GRIP1: variants seen among roughly 807,000 people sequenced by gnomAD.
GRIP1 encodes glutamate receptor-interacting protein 1.
In GRIP1, 45 loss-of-function variants were observed where a neutral mutation model predicts 129.9. That is an observed-to-expected ratio of 0.35 (90% CI 0.27 to 0.44). GRIP1 has a LOEUF of 0.44. Among genes scored for constraint, GRIP1 ranks in the 20% least tolerant of loss-of-function variants. The pLI is 1.00. For synonymous variants in GRIP1, 530 were observed against 520.8 expected (o/e 1.02, Z -0.24); for missense variants, 1,196 against 1,396.8 (o/e 0.86, Z 2.29).
intron 6 of GRIP1, 40 bp from the exon 7 acceptor site, chr12:66,515,804 A>G (rs759891534): frequency 6.4e-7 from 1 of 1,571,420 alleles, no homozygotes; most frequent in South Asian, 1.1e-5. Context: ...TTAATTTAGC[A>G]TAATGGGGCT....
At chr12:66,704,377 A>C (rs972244441) in intron 1 of GRIP1, among the ~76,000 whole-genome samples, 6 of 152,026 alleles carry the variant, frequency 3.9e-5, no homozygotes, top group African/African-American at 1.4e-4. Flanking sequence ...AATTTTATAT[A>C]AATAAGAAAA....
Position 66,798,803 on chromosome 12 carries a change from T to C in GRIP1, c.-420+5250A>G, listed in dbSNP as rs190673508. On this transcript the variant is annotated intron_variant, in intron 1 of 4. Transcript: ENST00000538373. ...CTTTAATTAACATCATCTGTAAATA[T>C]AATATCATATTAATTTGACTTGCAG... Among the ~76,000 whole-genome samples the C allele has an allele frequency of 6.8e-4, 103 of 152,284 alleles. No individual in the cohort carries two copies. In the East Asian group the frequency reaches 0.012, roughly 17 times the overall value.
chr12:66,551,745 G>T lies in GRIP1; in HGVS notation c.137-9795C>A, dbSNP rs967756755. Reference sequence around the variant, plus strand: ...CCAGCTAATTTTTTAAAACAATTTTGTTGTTGTTGTTGTTGTTGTACAGAT... The same window carrying T: ...CCAGCTAATTTTTTAAAACAATTTTTTTGTTGTTGTTGTTGTTGTACAGAT... On this transcript the variant is annotated intron_variant, in intron 2 of 24. Transcript: ENST00000359742. Among the ~76,000 whole-genome samples, 45 of 151,314 alleles carry T rather than the reference G, an allele frequency of 3.0e-4. 1 individual carries two copies. The highest frequency in any genetic ancestry group is 1.1e-3 in the African/African-American group (45 of 41,308).
At chr12:66,546,678 C>T (rs1046060992) in intron 2 of GRIP1, among the ~76,000 whole-genome samples, 1 of 152,140 alleles carries the variant, frequency 6.6e-6, no homozygotes, top group Non-Finnish European at 1.5e-5. Flanking sequence ...TTGACATCCA[C>T]AGGCAAAATA....
intron 1 of GRIP1, among the ~76,000 whole-genome samples, chr12:66,963,568 T>C (rs1320005697): frequency 6.6e-6 from 1 of 152,216 alleles, no homozygotes; most frequent in Non-Finnish European, 1.5e-5. Context: ...TTTAAAGTTC[T>C]GTAATGTAAT....
intron 1 of GRIP1, among the ~76,000 whole-genome samples, chr12:67,011,435 G>C (rs2042705992): frequency 6.6e-6 from 1 of 152,160 alleles, no homozygotes; most frequent in African/African-American, 2.4e-5. Flanking sequence ...GGCCATGCTT[G>C]ACCTGGCCCC....
chr12:66,746,005 T>A (rs1484402877), intron 1 of GRIP1, among the ~76,000 whole-genome samples: 1 of 152,146 alleles, frequency 6.6e-6, no homozygotes, highest in Non-Finnish European at 1.5e-5. Context: ...TTAAAGTTAG[T>A]TCTCAAATAT....
intron 1 of GRIP1, among the ~76,000 whole-genome samples, chr12:66,821,762 G>T (rs1194960898): frequency 6.6e-6 from 1 of 152,148 alleles, no homozygotes; most frequent in Non-Finnish European, 1.5e-5. Flanking sequence ...GACTTAGGAG[G>T]AAAAGGAGTG....
At chr12:66,526,447 A>T (rs1200071208) in intron 5 of GRIP1, among the ~76,000 whole-genome samples, 2 of 152,190 alleles carry the variant, frequency 1.3e-5, no homozygotes, top group Non-Finnish European at 2.9e-5. Flanking sequence ...CCTATTTAAT[A>T]AATGGTGCTG....
At chr12:66,386,589 G>A (rs966477070) in intron 19 of GRIP1, among the ~76,000 whole-genome samples, 2 of 152,112 alleles carry the variant, frequency 1.3e-5, no homozygotes, top group Admixed American at 6.5e-5. Context: ...AGCTGAGATC[G>A]CACCACTGCA....
chr12:66,881,518 A>G (rs1236635753), intron 1 of GRIP1, among the ~76,000 whole-genome samples: 2 of 152,076 alleles, frequency 1.3e-5, no homozygotes, highest in African/African-American at 4.8e-5. Flanking sequence ...GTAGGAATGG[A>G]TAACTTTTTT....
Position 66,515,755 on chromosome 12 carries a change from C to A in GRIP1, c.588G>T (p.Thr196=), listed in dbSNP as rs377676241. 5.0e-5 allele frequency: 81 copies of A among 1,613,478 alleles called. No individual in the cohort carries two copies. The South Asian group carries it at 8.5e-4, about 17-fold the overall frequency. Residue 196 remains threonine, a synonymous_variant, in exon 7 of 25, where the codon ACG becomes ACT. Transcript: ENST00000359742. ...RPGGPADREG[T]IKPGDRLLSV... is the part of the protein sequence containing the mutation. ...TGAGCAACCTGTCACCGGGTTTGAT[C>A]GTGCCCTCTCTGAAGGGAGAATAAA...
chr12:66,551,036 G>A (rs1327689965), intron 2 of GRIP1, among the ~76,000 whole-genome samples: 2 of 152,192 alleles, frequency 1.3e-5, no homozygotes, highest in African/African-American at 4.8e-5. Flanking sequence ...TTGAAAATCG[G>A]AGTTTACAAG....
chr12:67,031,447 T>C (rs141114324), intron 1 of GRIP1, among the ~76,000 whole-genome samples: 71 of 152,342 alleles, frequency 4.7e-4, no homozygotes, highest in African/African-American at 1.6e-3. Flanking sequence ...AGACACCATC[T>C]TCCGCTATTA....
At chr12:66,377,435 C>T (rs1425341529) in intron 20 of GRIP1, 150 bp from the exon 21 acceptor site, 1 of 667,628 alleles carries the variant, frequency 1.5e-6, no homozygotes, top group Non-Finnish European at 2.7e-6. Context: ...TCACACCATT[C>T]TCCTGCCTCA....
chr12:66,872,208 T>C (rs2040307826), intron 1 of GRIP1, among the ~76,000 whole-genome samples: 1 of 152,006 alleles, frequency 6.6e-6, no homozygotes, highest in Non-Finnish European at 1.5e-5. Flanking sequence ...AAGCAAGAAA[T>C]CTAAGAAGAC....
intron 15 of GRIP1, among the ~76,000 whole-genome samples, chr12:66,408,519 CA>C (rs2057277566): frequency 6.6e-6 from 1 of 152,098 alleles, no homozygotes; most frequent in South Asian, 2.1e-4. Context: ...ATAAAATCAG[CA>C]GCAGTAGTCA....
intron 16 of GRIP1, among the ~76,000 whole-genome samples, chr12:66,399,688 AGTG>A (rs2056914919): frequency 6.6e-6 from 1 of 151,928 alleles, no homozygotes; most frequent in African/African-American, 2.4e-5. Context: ...AGGCTTCTTG[AGTG>A]CTGCCTGTTT....
At chr12:66,840,116 G>T (rs2137045791) in intron 1 of GRIP1, among the ~76,000 whole-genome samples, 1 of 152,200 alleles carries the variant, frequency 6.6e-6, no homozygotes, top group South Asian at 2.1e-4. Flanking sequence ...AGTGCCTCAA[G>T]CTGCAGCTAC....
Sources: gnomAD v4.1 joint callset for allele counts (sites outside exome capture counted in the v4.1 genomes callset) on GRCh38, gnomAD v4.1.1 for gene constraint, MANE v1.5 for transcripts, NCBI Gene and HGNC (gene_info 2026-07-23, HGNC 2026-07-21) for gene names.